RBPJ: variants seen among roughly 807,000 people sequenced by gnomAD.
The protein encoded by RBPJ is recombination signal binding protein for immunoglobulin kappa J region, also known as recombining binding protein suppressor of hairless.
RBPJ carries 9 observed loss-of-function variants against 67.8 expected under a neutral mutation model. That is an observed-to-expected ratio of 0.13 (90% CI 0.08 to 0.23). The LOEUF (loss-of-function observed/expected upper bound fraction) is 0.23, where lower values mean the gene tolerates loss of function less well. Among genes scored for constraint, RBPJ ranks in the 10% least tolerant of loss-of-function variants. The pLI is 1.00. For synonymous variants in RBPJ, 198 were observed against 203.3 expected (o/e 0.97, Z 0.22); for missense variants, 305 against 595.6 (o/e 0.51, Z 5.08).
the RBPJ span, among the ~76,000 whole-genome samples, chr4:26,156,906 C>CA: frequency 9.4e-5 from 14 of 148,200 alleles, no homozygotes; most frequent in African/African-American, 1.2e-4. Flanking sequence ...CTTGTCTCTA[C>CA]AAAAAAAAAA....
At chr4:26,316,438 T>C (rs1161097020), upstream of RBPJ, among the ~76,000 whole-genome samples, 1 of 140,758 alleles carries the variant, frequency 7.1e-6, no homozygotes, top group Non-Finnish European at 1.5e-5. Flanking sequence ...CATATATACA[T>C]TCATATACAT....
intron 1 of RBPJ, 97 bp downstream of exon 1, chr4:26,321,145 G>A: frequency 1.2e-6 from 1 of 826,394 alleles, no homozygotes; most frequent in Non-Finnish European, 1.8e-6. Context: ...GGCGCGCTTG[G>A]CGTTCGGGGG....
In RBPJ at chr4:26,250,077, C is replaced by T. The variant is rs138384770; in HGVS notation, c.-167+86463C>T. 4.1e-3 allele frequency among the ~76,000 whole-genome samples: 625 copies of T among 151,760 alleles called. 2 individuals are homozygous for T. Among genetic ancestry groups the T allele is most frequent in the African/African-American group, 0.014 (567 of 41,408 alleles). ...CTGGGATTACAGGTGTGAGCCACCGCGCCTGGCCTTCCGAACTTTTTCATC... is the reference window on the plus strand; with the variant it reads ...CTGGGATTACAGGTGTGAGCCACCGTGCCTGGCCTTCCGAACTTTTTCATC... On this transcript the variant is annotated intron_variant, in intron 1 of 4. Transcript: ENST00000512351.
At chr4:26,185,928 C>G (rs1182898390) in intron 1 of RBPJ, among the ~76,000 whole-genome samples, 1 of 152,116 alleles carries the variant, frequency 6.6e-6, no homozygotes, top group Non-Finnish European at 1.5e-5. Context: ...TGCCTGTAAT[C>G]CCAGCTACTT....
At position 26,430,937 on chromosome 4, in the gene RBPJ, AG is replaced by A; in HGVS notation, c.1397del (p.Gly466GlufsTer31). On this transcript the variant is annotated frameshift_variant, in exon 11 of 11. Coordinates refer to ENST00000355476, the MANE Select transcript of RBPJ (RefSeq NM_015874.6). LOFTEE classifies it high-confidence loss of function. The surrounding 1 kb of genome is among the most constrained non-coding windows in gnomAD (Gnocchi z 4.1). ...CCTAACGAATCAAACACAAACAGCG[AG>A]GGAAGTTACACAAACGCCAGCACAA... ...VPPNESNTNSEGSYTNASTNS... is the reference protein window; with the variant it reads ...VPPNESNTNSXGSYTNASTNS... The A allele has an allele frequency of 6.2e-7, 1 of 1,614,150 alleles. No individual in the cohort carries two copies.
At chr4:26,345,421 G>A (rs1258999425) in intron 1 of RBPJ, among the ~76,000 whole-genome samples, 2 of 152,296 alleles carry the variant, frequency 1.3e-5, no homozygotes, top group East Asian at 3.9e-4. Flanking sequence ...GCAAACAGAT[G>A]GCTTTCCTCG....
At chr4:26,391,132 A>G (rs1731458711) in intron 2 of RBPJ, among the ~76,000 whole-genome samples, 2 of 152,236 alleles carry the variant, frequency 1.3e-5, no homozygotes, top group South Asian at 4.1e-4. Flanking sequence ...CACAGTCAAA[A>G]TCTCAGCAGG....
At chr4:26,147,369 C>G in the RBPJ span, among the ~76,000 whole-genome samples, 2 of 152,230 alleles carry the variant, frequency 1.3e-5, no homozygotes, top group African/African-American at 4.8e-5. Context: ...GTGTGGAACT[C>G]TACTTCGGTC....
chr4:26,251,405 G>A (rs747111765), intron 1 of RBPJ, among the ~76,000 whole-genome samples: 5 of 152,136 alleles, frequency 3.3e-5, no homozygotes, highest in Non-Finnish European at 7.4e-5. Flanking sequence ...GGAGGCCGAG[G>A]CAGGTGGATC....
intron 1 of RBPJ, among the ~76,000 whole-genome samples, chr4:26,284,670 T>C (rs555107812): frequency 2.6e-5 from 4 of 152,034 alleles, no homozygotes; most frequent in Middle Eastern, 3.4e-3. Context: ...GGCTTCGCCA[T>C]GTCGGCCAGG....
intron 1 of RBPJ, among the ~76,000 whole-genome samples, chr4:26,311,152 A>T (rs971347936): frequency 6.6e-5 from 10 of 152,212 alleles, no homozygotes; most frequent in African/African-American, 2.4e-4. Flanking sequence ...TATGAATTAG[A>T]AGCTACAATC....
intron 1 of RBPJ, among the ~76,000 whole-genome samples, chr4:26,242,489 GT>G (rs1719679168): frequency 6.6e-6 from 1 of 151,028 alleles, no homozygotes; most frequent in South Asian, 2.1e-4. Context: ...AGAAAAGAGA[GT>G]GTGGTCCACA....
chr4:26,361,433 GT>G (rs1040494581), intron 1 of RBPJ, among the ~76,000 whole-genome samples: 18 of 152,106 alleles, frequency 1.2e-4, no homozygotes, highest in African/African-American at 4.3e-4. Context: ...CCAGGAAATA[GT>G]TTCATTTTCT....
At chr4:26,282,468 T>A (rs1359462062) in intron 1 of RBPJ, among the ~76,000 whole-genome samples, 1 of 152,094 alleles carries the variant, frequency 6.6e-6, no homozygotes, top group Non-Finnish European at 1.5e-5. Flanking sequence ...AATAAAGATC[T>A]AAGAAATTTA....
At chr4:26,244,813 T>C (rs373352263) in intron 1 of RBPJ, among the ~76,000 whole-genome samples, 4 of 151,984 alleles carry the variant, frequency 2.6e-5, no homozygotes, top group African/African-American at 9.7e-5. Flanking sequence ...TTTGTATTTT[T>C]AGTAGAGGCG....
At chr4:26,412,561 C>T (rs532156090) in intron 3 of RBPJ, among the ~76,000 whole-genome samples, 3 of 152,196 alleles carry the variant, frequency 2.0e-5, no homozygotes, top group South Asian at 2.1e-4. Context: ...GATGTTCAAC[C>T]ACTAAGTATA....
At chr4:26,315,144 CA>C (rs60940172), upstream of RBPJ, among the ~76,000 whole-genome samples, 105 of 10,300 alleles carry the variant, frequency 0.01, no homozygotes, top group East Asian at 0.052. Flanking sequence ...GTCTCTGTCT[CA>C]AAAAAAAAAA....
At chr4:26,333,132 G>T (rs1261208991) in intron 1 of RBPJ, among the ~76,000 whole-genome samples, 1 of 152,194 alleles carries the variant, frequency 6.6e-6, no homozygotes, top group Non-Finnish European at 1.5e-5. Flanking sequence ...TTCATGGGAT[G>T]CAAGAATAGT....
At position 26,210,704 on chromosome 4, in the gene RBPJ, TTTCC is replaced by T. The variant is rs769408074; in HGVS notation, c.-167+47094_-167+47097del. 5.3e-3 allele frequency among the ~76,000 whole-genome samples: 587 copies of T among 109,886 alleles called. 122 individuals carry two copies. The highest frequency in any genetic ancestry group is 0.02 in the Middle Eastern group (5 of 248). 72.1% of individuals were successfully genotyped at this position (109,886 alleles called of 152,430 possible). A position where few individuals can be genotyped will look rare whatever the true frequency, so the allele number is the denominator to read the frequency against. On this transcript the variant is annotated intron_variant, in intron 1 of 4. Transcript: ENST00000512351. The stretch of plus-strand genomic sequence containing the variant: ...TTTCTTTCCTTTCTTTCTTTCTTTC[TTTCC>T]TTCTTTCCTTCTTTCTTTCCTTCTT...
Sources: allele counts gnomAD v4.1 joint callset (sites outside exome capture counted in the v4.1 genomes callset), GRCh38; gene constraint gnomAD v4.1.1; non-coding constraint Gnocchi (gnomAD v3.1); transcripts MANE v1.5; gene names NCBI Gene and HGNC (gene_info 2026-07-23, HGNC 2026-07-21).